Variants in EPB41 observed in about 807,000 individuals in gnomAD.
EPB41 encodes the protein erythrocyte membrane protein band 4.1.
In EPB41, 65 loss-of-function variants were observed where a neutral mutation model predicts 108.0. The ratio of observed to expected loss-of-function variants is 0.60; its 90% confidence interval spans 0.49 to 0.74. EPB41 has a LOEUF of 0.74. Among genes scored for constraint, EPB41 ranks in the 30% least tolerant of loss-of-function variants. The pLI, the probability that EPB41 is intolerant of heterozygous loss-of-function variation, is 0.00. For synonymous variants in EPB41, 336 were observed against 358.9 expected (o/e 0.94, Z 0.72); for missense variants, 875 against 1,037.0 (o/e 0.84, Z 2.15).
intron 1 of EPB41, among the ~76,000 whole-genome samples, chr1:28,954,610 C>T (rs1193800278): frequency 2.6e-5 from 4 of 152,136 alleles, no homozygotes; most frequent in South Asian, 2.1e-4. Flanking sequence ...GCTCAAACTT[C>T]ACACAATATA....
chr1:28,974,850 C>G (rs541534941), intron 1 of EPB41, among the ~76,000 whole-genome samples: 194 of 151,306 alleles, frequency 1.3e-3, no homozygotes, highest in Non-Finnish European at 2.1e-3. Flanking sequence ...GCTGGAGTGC[C>G]GTGGCGTGAT....
intron 7 of EPB41, among the ~76,000 whole-genome samples, chr1:29,021,531 C>A (rs1319035948): frequency 2.0e-5 from 3 of 151,896 alleles, no homozygotes; most frequent in Non-Finnish European, 2.9e-5. Flanking sequence ...ACAGTTGTCT[C>A]AAGGAAAAGC....
intron 7 of EPB41, among the ~76,000 whole-genome samples, chr1:29,025,183 A>G (rs1163074314): frequency 6.6e-6 from 1 of 152,028 alleles, no homozygotes; most frequent in Non-Finnish European, 1.5e-5. Context: ...ATTTATTGGT[A>G]TTAGGAAGGT....
intron 1 of EPB41, among the ~76,000 whole-genome samples, chr1:28,972,455 G>C (rs1048857910): frequency 6.6e-6 from 1 of 152,194 alleles, no homozygotes. Flanking sequence ...AGAAGAAGAT[G>C]AGTAAGAGTT....
intron 1 of EPB41, chr1:28,889,998 ATATTT>A (rs745536373): frequency 2.0e-5 from 3 of 152,758 alleles, no homozygotes; most frequent in East Asian, 2.0e-4. Context: ...TTAGATTCTG[ATATTT>A]TATTTTATTT....
intron 4 of EPB41, among the ~76,000 whole-genome samples, chr1:29,003,228 T>C (rs902544345): frequency 2.6e-5 from 4 of 152,230 alleles, no homozygotes; most frequent in African/African-American, 9.6e-5. Context: ...ATCATGGTCA[T>C]CTAAGTTTTC....
intron 16 of EPB41, chr1:29,070,193 A>G: frequency 1.1e-5 from 5 of 435,702 alleles, no homozygotes; most frequent in Non-Finnish European, 1.9e-5. Context: ...CTATTGTGTT[A>G]CAGAAACTTT....
intron 16 of EPB41, chr1:29,097,351 T>A (rs554609145): frequency 5.5e-6 from 1 of 181,044 alleles, no homozygotes; most frequent in Admixed American, 5.5e-5. Context: ...TGAAAGAAGT[T>A]AATGAATTCG....
In EPB41 at chr1:28,969,681, C is replaced by T. The variant is rs1383476606; in HGVS notation, c.-7-17750C>T. 8.6e-5 allele frequency among the ~76,000 whole-genome samples: 13 copies of T among 152,016 alleles called. No individual in the cohort carries two copies. The East Asian group carries it at 9.8e-4, about 11-fold the overall frequency. ...TTGGTAGGCTGAGGCGGGCGGATCA[C>T]GAGGTCACAAGATTGAGACCATCCT... On this transcript the variant is annotated intron_variant, in intron 1 of 20. Coordinates refer to ENST00000343067, the MANE Select transcript of EPB41 (RefSeq NM_001376013.1).
chr1:29,074,027 T>C (rs1397316687), intron 16 of EPB41, among the ~76,000 whole-genome samples: 7 of 152,208 alleles, frequency 4.6e-5, no homozygotes, highest in South Asian at 2.1e-4. Flanking sequence ...GATAAGCCTA[T>C]AGGACACATG....
At chr1:28,923,111 CTTTTT>C (rs1226949675) in intron 1 of EPB41, among the ~76,000 whole-genome samples, 2 of 60,602 alleles carry the variant, frequency 3.3e-5, no homozygotes, top group Non-Finnish European at 5.5e-5. Flanking sequence ...CTTTTCTTTT[CTTTTT>C]TTTTTTTTTT....
chr1:28,934,803 G>A (rs1391572229), intron 1 of EPB41, among the ~76,000 whole-genome samples: 2 of 151,842 alleles, frequency 1.3e-5, no homozygotes, highest in African/African-American at 4.8e-5. Flanking sequence ...TCTCCAAGGA[G>A]TCCCCATTCC....
chr1:28,894,593 GAAGA>G (rs1426443421), intron 1 of EPB41, among the ~76,000 whole-genome samples: 5 of 152,132 alleles, frequency 3.3e-5, no homozygotes, highest in Non-Finnish European at 7.4e-5. Flanking sequence ...GTTTTCATCA[GAAGA>G]GAGAGGCAGC....
intron 7 of EPB41, among the ~76,000 whole-genome samples, chr1:29,023,785 G>A (rs1179089614): frequency 6.6e-6 from 1 of 151,956 alleles, no homozygotes; most frequent in Non-Finnish European, 1.5e-5. Context: ...AAAAAAGTTT[G>A]AGAACCACTG....
chr1:29,053,878 A>G (rs1644932664), intron 12 of EPB41: 1 of 153,932 alleles, frequency 6.5e-6, no homozygotes, highest in African/African-American at 2.4e-5. Flanking sequence ...ATTTTTTTAA[A>G]TGATCTTATA....
chr1:28,906,123 T>C (rs969201652), intron 1 of EPB41, among the ~76,000 whole-genome samples: 2 of 152,154 alleles, frequency 1.3e-5, no homozygotes, highest in African/African-American at 4.8e-5. Context: ...GTGGCCCCAA[T>C]TTCTCAATTT....
intron 16 of EPB41, chr1:29,070,698 C>A: frequency 8.1e-7 from 1 of 1,230,426 alleles, no homozygotes; most frequent in Non-Finnish European, 1.0e-6. Flanking sequence ...CTGTATGATG[C>A]CCTCTGATCT....
At chr1:29,087,149 G>A (rs1372626574) in intron 16 of EPB41, among the ~76,000 whole-genome samples, 1 of 151,880 alleles carries the variant, frequency 6.6e-6, no homozygotes, top group Non-Finnish European at 1.5e-5. Context: ...TACCATGTTA[G>A]CCAGGATGGT....
At chr1:28,991,820 AC>A (rs1179680424) in intron 2 of EPB41, among the ~76,000 whole-genome samples, 1 of 152,110 alleles carries the variant, frequency 6.6e-6, no homozygotes, top group Non-Finnish European at 1.5e-5. Flanking sequence ...CTGTTTTACA[AC>A]CCTGCAGGCC....
Sources: allele counts gnomAD v4.1 joint callset (sites outside exome capture counted in the v4.1 genomes callset), GRCh38; gene constraint gnomAD v4.1.1; transcripts MANE v1.5; gene names NCBI Gene and HGNC (gene_info 2026-07-23, HGNC 2026-07-21).